Variants in CDH23 observed in about 807,000 individuals in gnomAD.
CDH23 encodes the protein cadherin-23.
CDH23 carries 189 observed loss-of-function variants against 317.1 expected under a neutral mutation model. The ratio of observed to expected loss-of-function variants is 0.60; its 90% CI spans 0.53 to 0.67. The LOEUF (loss-of-function observed/expected upper bound fraction) is 0.67. Among genes scored for constraint, CDH23 ranks in the 30% least tolerant of loss-of-function variants. The pLI is 0.00. For synonymous variants in CDH23, 1,839 were observed against 1,876.8 expected, an observed-to-expected ratio of 0.98 and a Z score of 0.52; for missense variants, 4,401 against 4,592.4, an observed-to-expected ratio of 0.96 and a Z score of 1.20.
intron 1 of CDH23, among the ~76,000 whole-genome samples, chr10:71,403,404 T>TCTTCCTTCCTTCC (rs1564558186): frequency 1.3e-5 from 1 of 78,522 alleles, no homozygotes; most frequent in African/African-American, 6.9e-5. Flanking sequence ...TCTTTCTTTC[T>TCTTCCTTCCTTCC]TTCTCTTCCT....
chr10:71,672,351 C>T (rs1313135475), intron 14 of CDH23, among the ~76,000 whole-genome samples: 2 of 152,038 alleles, frequency 1.3e-5, no homozygotes, highest in East Asian at 1.9e-4. Context: ...AGGCCCAGGG[C>T]CCCTGACAGG....
intron 6 of CDH23, among the ~76,000 whole-genome samples, chr10:71,554,417 C>T (rs1427832214): frequency 2.0e-5 from 3 of 151,536 alleles, no homozygotes; most frequent in African/African-American, 4.9e-5. Context: ...AGGCTGGTCT[C>T]CAACTCCTGG....
chr10:71,712,335 T>C (rs1029466320), intron 27 of CDH23: 2 of 253,824 alleles, frequency 7.9e-6, no homozygotes, highest in Non-Finnish European at 1.5e-5. Flanking sequence ...TTAACATGGG[T>C]CTGTTTTTTT....
chr10:71,623,421 G>A (rs1861560855), intron 11 of CDH23, among the ~76,000 whole-genome samples: 1 of 152,238 alleles, frequency 6.6e-6, no homozygotes, highest in African/African-American at 2.4e-5. Flanking sequence ...GAGGATGGAG[G>A]TGTCAGGAGG....
chr10:71,637,287 C>T (rs1017683323), intron 11 of CDH23, among the ~76,000 whole-genome samples: 1 of 152,104 alleles, frequency 6.6e-6, no homozygotes, highest in African/African-American at 2.4e-5. Context: ...GTCACCCAAG[C>T]CTTTGCCCTT....
At chr10:71,445,090 G>A (rs1048436615) in intron 2 of CDH23, among the ~76,000 whole-genome samples, 1 of 152,156 alleles carries the variant, frequency 6.6e-6, no homozygotes, top group African/African-American at 2.4e-5. Flanking sequence ...GACCCAGCCC[G>A]CTCTGAAGCC....
chr10:71,622,028 T>C (rs1051217322), intron 11 of CDH23, among the ~76,000 whole-genome samples: 1 of 151,144 alleles, frequency 6.6e-6, no homozygotes, highest in East Asian at 1.9e-4. Flanking sequence ...AAAAAAAAAA[T>C]CCAAAAGGCA....
intron 27 of CDH23, among the ~76,000 whole-genome samples, chr10:71,709,553 T>G (rs1213681577): frequency 1.3e-5 from 2 of 152,226 alleles, no homozygotes; most frequent in Admixed American, 1.3e-4. Context: ...ACGGGAGGCT[T>G]CCTTCACGAA....
intron 22 of CDH23, among the ~76,000 whole-genome samples, 194 bp downstream of exon 22, chr10:71,695,719 T>A (rs924040072): frequency 3.3e-5 from 5 of 152,228 alleles, no homozygotes; most frequent in African/African-American, 1.2e-4. Context: ...AAAGCCCTCA[T>A]CCGGCCTCCA....
At chr10:71,592,733 G>A (rs970652088) in intron 9 of CDH23, among the ~76,000 whole-genome samples, 11 of 152,270 alleles carry the variant, frequency 7.2e-5, no homozygotes, top group African/African-American at 2.2e-4. Context: ...CATGTAAGTA[G>A]CATGCAGAGC....
chr10:71,694,578 G>C (rs1042589434), intron 21 of CDH23, among the ~76,000 whole-genome samples: 1 of 152,170 alleles, frequency 6.6e-6, no homozygotes, highest in Non-Finnish European at 1.5e-5. Context: ...CTTGGTGCCT[G>C]TCAACAAAGC....
At chr10:71,748,101 G>A (rs976574419) in intron 38 of CDH23, 7 of 152,022 alleles carry the variant, frequency 4.6e-5, no homozygotes, top group African/African-American at 1.7e-4. Context: ...GCACAGTCAG[G>A]CCAGCCCTGG....
intron 48 of CDH23, among the ~76,000 whole-genome samples, chr10:71,796,351 G>A (rs900567906): frequency 1.3e-5 from 2 of 152,188 alleles, no homozygotes; most frequent in Non-Finnish European, 2.9e-5. Context: ...TTGGGGAGCA[G>A]GCAGGGACTC....
chr10:71,774,912 T>C (rs1840782512), intron 38 of CDH23, among the ~76,000 whole-genome samples: 1 of 152,138 alleles, frequency 6.6e-6, no homozygotes, highest in African/African-American at 2.4e-5. Context: ...TCACGGGCTC[T>C]CTGGAGGCCC....
chr10:71,708,714 G>A lies in CDH23; in HGVS notation c.3107-384G>A, dbSNP rs556755936. Among the ~76,000 whole-genome samples, 25 of 152,312 alleles carry A rather than the reference G, an allele frequency of 1.6e-4. No homozygotes were observed. The South Asian group carries it at 4.8e-3, about 29-fold the overall frequency. ...CCCTATGCAGGTTAGCTGCTCAGAC[G>A]CTTCTGCAGGACGGGCAGGGAGCAG... On this transcript the variant is annotated intron_variant, in intron 26 of 69. Coordinates refer to ENST00000224721, the MANE Select transcript of CDH23 (RefSeq NM_022124.6).
At chr10:71,792,253 A>G (rs570724261) in intron 47 of CDH23, among the ~76,000 whole-genome samples, 1 of 152,290 alleles carries the variant, frequency 6.6e-6, no homozygotes, top group African/African-American at 2.4e-5. Flanking sequence ...TATAATCTGT[A>G]TGTAATCTAA....
In CDH23 at chr10:71,755,291, G is replaced by A. The variant is rs1840104269; in HGVS notation, c.4845+13370G>A. ...GCATCGTGCCTTTGCGAATCCCAGG[G>A]GCTGAACTGGGGGCTGGAGCAGGTC... On this transcript the variant is annotated intron_variant, in intron 38 of 69. Coordinates refer to ENST00000224721, the MANE Select transcript of CDH23 (RefSeq NM_022124.6). 10 of 1,397,232 alleles carry A rather than the reference G, an allele frequency of 7.2e-6. No homozygotes were observed. The South Asian group carries it at 1.2e-4, about 17-fold the overall frequency. 86.6% of individuals were successfully genotyped at this position (1,397,232 alleles called of 1,614,324 possible).
intron 14 of CDH23, among the ~76,000 whole-genome samples, chr10:71,673,833 G>A (rs145426669): frequency 1.7e-3 from 262 of 152,348 alleles, no homozygotes; most frequent in African/African-American, 5.8e-3. Flanking sequence ...CGCTGCTGCC[G>A]TTGTGAGGAA....
intron 3 of CDH23, among the ~76,000 whole-genome samples, chr10:71,451,181 G>A (rs540945929): frequency 8.1e-4 from 123 of 151,732 alleles, no homozygotes; most frequent in Admixed American, 2.0e-3. Flanking sequence ...CTCACCTCTC[G>A]GCCCTTCCAC....
Sources: allele counts gnomAD v4.1 joint callset (sites outside exome capture counted in the v4.1 genomes callset), GRCh38; gene constraint gnomAD v4.1.1; transcripts MANE v1.5; gene names NCBI Gene and HGNC (gene_info 2026-07-23, HGNC 2026-07-21).